Variants in JAZF1 observed in about 807,000 individuals in gnomAD.
The protein encoded by JAZF1 is JAZF zinc finger 1.
A neutral mutation model predicts 26.4 loss-of-function variants in JAZF1; 8 were observed. The observed-to-expected ratio is 0.30, with a 90% CI of 0.18 to 0.55. The LOEUF is 0.55. JAZF1 is among the 20% of genes least tolerant of loss of function. The pLI, the probability that JAZF1 is intolerant of heterozygous loss-of-function variation, is 0.94. For synonymous variants in JAZF1, 126 were observed against 122.3 expected (o/e 1.03, Z -0.20); for missense variants, 199 against 322.0 (o/e 0.62, Z 2.92).
chr7:27,915,304 A>G (rs1405847510), intron 2 of JAZF1, among the ~76,000 whole-genome samples: 2 of 152,190 alleles, frequency 1.3e-5, no homozygotes, highest in Non-Finnish European at 2.9e-5. Flanking sequence ...TAATATGGTA[A>G]TTATAATTTG....
chr7:28,115,554 A>C (rs1212763741), intron 1 of JAZF1, among the ~76,000 whole-genome samples: 1 of 152,216 alleles, frequency 6.6e-6, no homozygotes, highest in Non-Finnish European at 1.5e-5. Flanking sequence ...AAATGATAAA[A>C]GCTCTAGGAA....
rs141545070 is a variant in JAZF1 at position 28,014,357 on chromosome 7, T to C, written c.116-22376A>G. 2.0e-5 allele frequency among the ~76,000 whole-genome samples: 3 copies of C among 152,276 alleles called. No individual in the cohort carries two copies. The East Asian group carries it at 5.8e-4, about 29-fold the overall frequency. ...TTCTCTCTCCATTTCTGATGAACCA[T>C]CTTATGGGTTGATATGGTTTGGCTG... On this transcript the variant is annotated intron_variant, in intron 1 of 4. Coordinates refer to ENST00000283928, the MANE Select transcript of JAZF1 (RefSeq NM_175061.4).
chr7:27,893,627 C>T (rs1784011955), intron 3 of JAZF1, among the ~76,000 whole-genome samples: 1 of 152,234 alleles, frequency 6.6e-6, no homozygotes, highest in South Asian at 2.1e-4. Flanking sequence ...TCAAACTTCT[C>T]TCCGGATGCC....
intron 3 of JAZF1, among the ~76,000 whole-genome samples, chr7:27,873,450 C>T (rs77001734): frequency 6.6e-6 from 1 of 152,150 alleles, no homozygotes; most frequent in Non-Finnish European, 1.5e-5. Context: ...CCGAACCCAA[C>T]ACACCAGTTC....
intron 3 of JAZF1, among the ~76,000 whole-genome samples, chr7:27,858,602 A>C (rs1783316696): frequency 6.6e-6 from 1 of 152,226 alleles, no homozygotes; most frequent in African/African-American, 2.4e-5. Context: ...CTGATCTTTG[A>C]CAAACCTGAT....
rs553663953 is a variant in JAZF1, at chr7:28,085,380, G to T, written c.116-93399C>A. On this transcript the variant is annotated intron_variant, in intron 1 of 4. Transcript: ENST00000283928. ...TATACAGTATTTCCTTAGAAAAACTGAACAAGATGAGCAATAAGAAATCCT... is the reference window on the plus strand; with the variant it reads ...TATACAGTATTTCCTTAGAAAAACTTAACAAGATGAGCAATAAGAAATCCT... Among the ~76,000 whole-genome samples, 32 of 152,222 alleles carry T rather than the reference G, an allele frequency of 2.1e-4. No homozygotes were observed. In the East Asian group the frequency reaches 5.6e-3, roughly 27 times the overall value.
rs564798756 is a variant in JAZF1, at chr7:27,849,280, G to A, written c.386-8413C>T. Among the ~76,000 whole-genome samples, 22 of 152,306 alleles carry A rather than the reference G, an allele frequency of 1.4e-4. No individual in the cohort carries two copies. The East Asian group carries it at 3.7e-3, about 25-fold the overall frequency. The stretch of plus-strand genomic sequence containing the variant: ...AGGTGGGGGCAGCAGGCTAAGCCTC[G>A]TGACAGCCAGTGATGGGACCCTGCC... On this transcript the variant is annotated intron_variant, in intron 3 of 4. Transcript: ENST00000283928.
rs1782903354 is a variant in JAZF1, at chr7:27,840,552, G to A, written c.555+146C>T. The A allele has an allele frequency of 2.4e-6, 2 of 828,448 alleles. No homozygotes were observed. Among genetic ancestry groups the A allele is most frequent in the South Asian group, 3.3e-5 (2 of 61,084 alleles). 51.3% of individuals were successfully genotyped at this position (828,448 alleles called of 1,614,324 possible). A position where few individuals can be genotyped will look rare whatever the true frequency, so the allele number is the denominator to read the frequency against. The stretch of plus-strand genomic sequence containing the variant: ...TGAGGGCACCTGTGTGCACACAGGG[G>A]TGAGGCCCACGCACTCTAATGCAGG... On this transcript the variant is annotated intron_variant, in intron 4 of 4. Coordinates refer to ENST00000283928, the MANE Select transcript of JAZF1 (RefSeq NM_175061.4). The surrounding 1 kb of genome is among the most constrained non-coding windows in gnomAD (Gnocchi z 5.1).
At chr7:27,882,962 T>C (rs923069653) in intron 3 of JAZF1, among the ~76,000 whole-genome samples, 3 of 152,190 alleles carry the variant, frequency 2.0e-5, no homozygotes, top group African/African-American at 7.2e-5. Flanking sequence ...TCTGTTTGTT[T>C]ATTCATATTT....
intron 3 of JAZF1, among the ~76,000 whole-genome samples, chr7:27,882,233 T>C (rs1028705325): frequency 1.3e-5 from 2 of 151,538 alleles, no homozygotes; most frequent in African/African-American, 4.9e-5. Context: ...TATACAGTTG[T>C]CCCCCAACCA....
chr7:27,866,839 G>C (rs909743655), intron 3 of JAZF1, among the ~76,000 whole-genome samples: 1 of 152,182 alleles, frequency 6.6e-6, no homozygotes, highest in Non-Finnish European at 1.5e-5. Flanking sequence ...ATTCACATTA[G>C]TGGAGACCTG....
At chr7:28,179,758 C>T (rs1290210762) in intron 1 of JAZF1, among the ~76,000 whole-genome samples, 1 of 148,122 alleles carries the variant, frequency 6.8e-6, no homozygotes, top group Admixed American at 6.7e-5. Context: ...TCGGCCGCCT[C>T]CCAGGGAGAG....
At chr7:27,949,439 AGTGT>A (rs1486695061) in intron 2 of JAZF1, among the ~76,000 whole-genome samples, 1 of 152,206 alleles carries the variant, frequency 6.6e-6, no homozygotes, top group African/African-American at 2.4e-5. Context: ...CAAGCAGGGA[AGTGT>A]TGCCATGCTC....
chr7:28,172,613 C>T (rs184464433), intron 1 of JAZF1, among the ~76,000 whole-genome samples: 92 of 152,274 alleles, frequency 6.0e-4, no homozygotes, highest in African/African-American at 1.9e-3. Flanking sequence ...AGAACTGAAT[C>T]CTCCACGTAG....
chr7:28,052,221 T>C (rs971250090), intron 1 of JAZF1, among the ~76,000 whole-genome samples: 3 of 152,212 alleles, frequency 2.0e-5, no homozygotes, highest in Non-Finnish European at 2.9e-5. Context: ...TTAGACCACC[T>C]TTTGTTACAA....
intron 1 of JAZF1, among the ~76,000 whole-genome samples, chr7:28,145,735 C>T (rs952252478): frequency 2.6e-5 from 4 of 151,676 alleles, no homozygotes; most frequent in Non-Finnish European, 5.9e-5. Context: ...AAAAACAGAA[C>T]ATTTGCAGCA....
chr7:28,115,343 G>C (rs939876961), intron 1 of JAZF1, among the ~76,000 whole-genome samples: 21 of 152,158 alleles, frequency 1.4e-4, no homozygotes, highest in African/African-American at 5.1e-4. Flanking sequence ...TTATAAATGA[G>C]ATAGCTTACA....
At chr7:27,869,430 G>T (rs1033556964) in intron 3 of JAZF1, among the ~76,000 whole-genome samples, 7 of 152,180 alleles carry the variant, frequency 4.6e-5, no homozygotes, top group African/African-American at 1.7e-4. Context: ...GACAGACTAG[G>T]TATTTTGGGG....
chr7:27,985,774 C>T (rs1468546686), intron 2 of JAZF1, among the ~76,000 whole-genome samples: 1 of 152,188 alleles, frequency 6.6e-6, no homozygotes, highest in East Asian at 1.9e-4. Context: ...TTGGCTTCAT[C>T]CCTGGGATGC....
Sources: allele counts gnomAD v4.1 joint callset (sites outside exome capture counted in the v4.1 genomes callset), GRCh38; gene constraint gnomAD v4.1.1; non-coding constraint Gnocchi (gnomAD v3.1); transcripts MANE v1.5; gene names NCBI Gene and HGNC (gene_info 2026-07-23, HGNC 2026-07-21).